PAPPA: variants seen among roughly 807,000 people sequenced by gnomAD.
PAPPA encodes the protein pappalysin-1.
A neutral mutation model predicts 164.0 loss-of-function variants in PAPPA; 60 were observed. The observed-to-expected ratio is 0.37, with a 90% CI of 0.30 to 0.45. The LOEUF (loss-of-function observed/expected upper bound fraction) is 0.45. PAPPA is among the 20% of genes least tolerant of loss of function. The probability of loss-of-function intolerance (pLI) is 1.00; values close to 1 mark genes in which losing one functional copy is unlikely to be tolerated. For synonymous variants in PAPPA, 875 were observed against 814.1 expected (o/e 1.07, Z -1.27); for missense variants, 1,782 against 2,087.3 (o/e 0.85, Z 2.85).
At chr9:116,333,464 C>T (rs1846019799) in intron 12 of PAPPA, among the ~76,000 whole-genome samples, 1 of 152,180 alleles carries the variant, frequency 6.6e-6, no homozygotes, top group African/African-American at 2.4e-5. Context: ...TTTTTGGCCA[C>T]TACTGAAGCC....
At chr9:116,156,203 A>C (rs1195762142) in intron 1 of PAPPA, among the ~76,000 whole-genome samples, 1 of 150,946 alleles carries the variant, frequency 6.6e-6, no homozygotes, top group Admixed American at 6.6e-5. Flanking sequence ...AGGAGAGCAC[A>C]GGGTTATGCA....
chr9:116,217,612 A>G lies in PAPPA; in HGVS notation c.1919-2325A>G, dbSNP rs1844391033. On this transcript the variant is annotated intron_variant, in intron 4 of 21. Coordinates refer to ENST00000328252, the MANE Select transcript of PAPPA (RefSeq NM_002581.5). ...TATCCTGAATTTTTTTCCTGCTTCC[A>G]GTTTTCTAACACTCACACATACATG... 2.6e-5 allele frequency among the ~76,000 whole-genome samples: 4 copies of G among 151,704 alleles called. No individual in the cohort carries two copies. In the South Asian group the frequency reaches 8.3e-4, roughly 32 times the overall value.
At chr9:116,337,849 C>T (rs543712920) in intron 13 of PAPPA, among the ~76,000 whole-genome samples, 2 of 152,232 alleles carry the variant, frequency 1.3e-5, no homozygotes, top group African/African-American at 4.8e-5. Flanking sequence ...CTTCAGGGGT[C>T]TCCAGTCTCT....
intron 18 of PAPPA, among the ~76,000 whole-genome samples, chr9:116,364,650 A>G (rs1846475680): frequency 6.6e-6 from 1 of 152,188 alleles, no homozygotes. Context: ...GACGCACAAA[A>G]GGCAAACAAA....
At chr9:116,206,850 C>G (rs1000362751) in intron 2 of PAPPA, among the ~76,000 whole-genome samples, 2 of 152,090 alleles carry the variant, frequency 1.3e-5, no homozygotes, top group Admixed American at 1.3e-4. Flanking sequence ...AGAGTCCCAG[C>G]AGAGGAAACA....
chr9:116,235,755 G>A (rs1356716965), intron 7 of PAPPA, 118 bp downstream of exon 7: 11 of 950,222 alleles, frequency 1.2e-5, no homozygotes, highest in Non-Finnish European at 9.9e-6. Flanking sequence ...TCACTCTATG[G>A]ATTGTAACCC....
chr9:116,353,664 G>T lies in PAPPA; in HGVS notation c.4218G>T (p.Gln1406His), dbSNP rs1207804603. 3 of 1,614,144 alleles carry T rather than the reference G, an allele frequency of 1.9e-6. No homozygotes were observed. The Admixed American group carries it at 5.0e-5, about 27-fold the overall frequency. Residue 1406 changes from glutamine (Q) to histidine (H), a missense_variant, in exon 17 of 22, where the codon CAG (glutamine) becomes CAT (histidine). Physicochemically the swap from Gln to His is conservative, Grantham distance 24. Coordinates refer to ENST00000328252, the MANE Select transcript of PAPPA (RefSeq NM_002581.5). ...AGTGTACCCAGGATGGCAGCTGGCA[G>T]GAGGGAGCTTGTGTTCCTGTGACCT... ...KTQCTQDGSW[Q>H]EGACVPVTCD... is the part of the protein sequence containing the mutation.
intron 2 of PAPPA, among the ~76,000 whole-genome samples, chr9:116,203,298 T>G (rs1176936850): frequency 6.6e-6 from 1 of 152,236 alleles, no homozygotes; most frequent in African/African-American, 2.4e-5. Context: ...TTCCCTTTCC[T>G]TGAGCTCTGG....
rs370412661 is a variant in PAPPA at position 116,187,303 on chromosome 9, C to T, written c.565C>T (p.Arg189Cys). Residue 189 changes from arginine to cysteine, a missense_variant, in exon 2 of 22, where the codon CGC (arginine) becomes TGC (cysteine). Coordinates refer to ENST00000328252, the MANE Select transcript of PAPPA (RefSeq NM_002581.5). The surrounding 1 kb of genome is among the most constrained non-coding windows in gnomAD (Gnocchi z 4.2). ...ARQVTTINAHRSYLPGQWVYL... is the reference protein window; with the variant it reads ...ARQVTTINAHCSYLPGQWVYL... ...GCAAGTGACCACCATCAATGCCCACCGCAGCTACCTCCCAGGCCAGTGGGT... is the reference window on the plus strand; with the variant it reads ...GCAAGTGACCACCATCAATGCCCACTGCAGCTACCTCCCAGGCCAGTGGGT... 156 of 1,614,008 alleles carry T rather than the reference C, an allele frequency of 9.7e-5. No homozygotes were observed. Among genetic ancestry groups the T allele is most frequent in the Middle Eastern group, 3.3e-4 (2 of 6,084 alleles).
At chr9:116,338,993 A>C (rs1846099659) in intron 13 of PAPPA, among the ~76,000 whole-genome samples, 1 of 152,158 alleles carries the variant, frequency 6.6e-6, no homozygotes, top group Non-Finnish European at 1.5e-5. Context: ...AGGATGGGAA[A>C]TCTAAGTTCT....
At chr9:116,351,475 C>T (rs529547371) in intron 15 of PAPPA, among the ~76,000 whole-genome samples, 1 of 152,308 alleles carries the variant, frequency 6.6e-6, no homozygotes, top group Admixed American at 6.5e-5. Flanking sequence ...ATCTTCTCAG[C>T]ACCCTGAAAG....
intron 17 of PAPPA, among the ~76,000 whole-genome samples, chr9:116,361,519 A>G (rs1846426776): frequency 6.6e-6 from 1 of 152,082 alleles, no homozygotes; most frequent in African/African-American, 2.4e-5. Flanking sequence ...TCATTTGCAC[A>G]CGCCCTTCCA....
At chr9:116,349,895 C>T (rs920429706) in intron 15 of PAPPA, among the ~76,000 whole-genome samples, 2 of 152,162 alleles carry the variant, frequency 1.3e-5, no homozygotes, top group East Asian at 1.9e-4. Context: ...AGTCATGTTC[C>T]CCCAGGAAAT....
intron 6 of PAPPA, among the ~76,000 whole-genome samples, chr9:116,230,307 C>A (rs978057813): frequency 1.3e-5 from 2 of 152,170 alleles, no homozygotes; most frequent in Non-Finnish European, 2.9e-5. Context: ...TCATTCTCAT[C>A]CTATTTATCT....
intron 4 of PAPPA, among the ~76,000 whole-genome samples, chr9:116,217,385 A>G (rs895081163): frequency 1.3e-5 from 2 of 152,172 alleles, no homozygotes; most frequent in African/African-American, 4.8e-5. Flanking sequence ...TCTGATTAGT[A>G]TTCTGTTCTA....
intron 10 of PAPPA, among the ~76,000 whole-genome samples, chr9:116,307,135 A>G (rs1417589368): frequency 6.6e-6 from 1 of 152,196 alleles, no homozygotes; most frequent in African/African-American, 2.4e-5. Context: ...TGAACAGAAG[A>G]TTCCTGCACT....
At chr9:116,172,969 T>G (rs1843790580) in intron 1 of PAPPA, among the ~76,000 whole-genome samples, 1 of 152,198 alleles carries the variant, frequency 6.6e-6, no homozygotes, top group Admixed American at 6.5e-5. Flanking sequence ...AATCCCTTTC[T>G]TTCAAGGAGT....
At chr9:116,226,651 A>G (rs190732198) in intron 5 of PAPPA, among the ~76,000 whole-genome samples, 23 of 152,340 alleles carry the variant, frequency 1.5e-4, no homozygotes. Context: ...TCCCTTCTCC[A>G]CAACTGCCTC....
intron 2 of PAPPA, among the ~76,000 whole-genome samples, chr9:116,201,880 G>A (rs1370495601): frequency 6.6e-6 from 1 of 152,132 alleles, no homozygotes; most frequent in Non-Finnish European, 1.5e-5. Flanking sequence ...CTTGGCCAGT[G>A]TTCAGCTCAC....
Sources: gnomAD v4.1 joint callset for allele counts (sites outside exome capture counted in the v4.1 genomes callset) on GRCh38, gnomAD v4.1.1 for gene constraint, Gnocchi (gnomAD v3.1) non-coding constraint, MANE v1.5 for transcripts, NCBI Gene and HGNC (gene_info 2026-07-23, HGNC 2026-07-21) for gene names.